Variants in IGF1R observed in about 807,000 individuals in gnomAD.
The protein encoded by IGF1R is insulin-like growth factor 1 receptor.
Under a neutral mutation model 144.6 loss-of-function variants are expected in IGF1R, and 44 were observed. The ratio of observed to expected loss-of-function variants is 0.30; its 90% confidence interval spans 0.24 to 0.39. The LOEUF (loss-of-function observed/expected upper bound fraction) is 0.39, where lower values mean the gene tolerates loss of function less well. Ranked by LOEUF, IGF1R falls within the 10% of genes least tolerant of loss-of-function variation. IGF1R has a pLI of 1.00. For synonymous variants in IGF1R, 795 were observed against 722.8 expected, an observed-to-expected ratio of 1.10 and a Z score of -1.60; for missense variants, 1,355 against 1,833.7, an observed-to-expected ratio of 0.74 and a Z score of 4.77.
chr15:98,868,883 T>C (rs946444571), intron 2 of IGF1R, among the ~76,000 whole-genome samples: 1 of 152,194 alleles, frequency 6.6e-6, no homozygotes, highest in Non-Finnish European at 1.5e-5. Flanking sequence ...CTCTGACTCA[T>C]CTCACACCCT....
At position 98,964,074 on chromosome 15, in the gene IGF1R, G is replaced by T. The variant is rs2017331028; in HGVS notation, c.*6632G>T. 4.3e-6 allele frequency: 1 copy of T among 233,186 alleles called. No individual in the cohort carries two copies. Among genetic ancestry groups the T allele is most frequent in the African/African-American group, 2.2e-5 (1 of 45,334 alleles). 14.4% of individuals were successfully genotyped at this position (233,186 alleles called of 1,614,324 possible). A position where few individuals can be genotyped will look rare whatever the true frequency, so the allele number is the denominator to read the frequency against. ...CCTGTCTGCTTTCTAAGCCAGTGAGGTTGAGGTGAGAGGTTTGCCAGAGTT... is the reference window on the plus strand; with the variant it reads ...CCTGTCTGCTTTCTAAGCCAGTGAGTTTGAGGTGAGAGGTTTGCCAGAGTT... On this transcript the variant is annotated 3_prime_UTR_variant, in exon 21 of 21. Transcript: ENST00000650285.
intron 13 of IGF1R, among the ~76,000 whole-genome samples, chr15:98,927,140 A>G (rs1002159635): frequency 6.6e-6 from 1 of 152,186 alleles, no homozygotes; most frequent in Non-Finnish European, 1.5e-5. Flanking sequence ...TGCCAGTGGG[A>G]AATCGGGAGT....
intron 2 of IGF1R, among the ~76,000 whole-genome samples, chr15:98,809,218 A>G (rs145740689): frequency 6.7e-4 from 102 of 152,304 alleles, no homozygotes; most frequent in African/African-American, 2.4e-3. Context: ...GAGGTAGCCT[A>G]TGGGTGGCAC....
chr15:98,706,087 G>C (rs1293609122), intron 1 of IGF1R, among the ~76,000 whole-genome samples: 6 of 152,224 alleles, frequency 3.9e-5, no homozygotes, highest in African/African-American at 1.4e-4. Context: ...TGTCTGTCCT[G>C]CTTAATTCCA....
intron 2 of IGF1R, among the ~76,000 whole-genome samples, chr15:98,791,254 T>C (rs186543461): frequency 1.2e-4 from 19 of 152,368 alleles, no homozygotes; most frequent in East Asian, 1.2e-3. Flanking sequence ...GCATCATCTT[T>C]CAAATGCAAC....
chr15:98,843,400 T>C (rs934573309), intron 2 of IGF1R, among the ~76,000 whole-genome samples: 1 of 152,194 alleles, frequency 6.6e-6, no homozygotes, highest in Non-Finnish European at 1.5e-5. Context: ...GCCTCAGAGA[T>C]GATACCAATA....
chr15:98,936,948 T>C (rs534057756), intron 17 of IGF1R, among the ~76,000 whole-genome samples: 94 of 152,334 alleles, frequency 6.2e-4, no homozygotes, highest in African/African-American at 2.2e-3. Context: ...TGCAGTGGCA[T>C]GATCTCAGCT....
chr15:98,918,838 C>T (rs1183909609), intron 10 of IGF1R, among the ~76,000 whole-genome samples: 4 of 151,998 alleles, frequency 2.6e-5, no homozygotes, highest in East Asian at 1.9e-4. Flanking sequence ...GAGATCGCAC[C>T]GTTGCACTCC....
chr15:98,797,548 G>T (rs2056273279), intron 2 of IGF1R, among the ~76,000 whole-genome samples: 1 of 152,226 alleles, frequency 6.6e-6, no homozygotes, highest in African/African-American at 2.4e-5. Context: ...GGGGTTGGGG[G>T]AGCGGGGTGG....
intron 2 of IGF1R, among the ~76,000 whole-genome samples, chr15:98,801,727 G>T (rs2056368090): frequency 6.6e-6 from 1 of 152,222 alleles, no homozygotes; most frequent in African/African-American, 2.4e-5. Flanking sequence ...AGGTTGCTCT[G>T]CCACAGAGGT....
At chr15:98,851,671 G>A (rs1451327653) in intron 2 of IGF1R, among the ~76,000 whole-genome samples, 2 of 152,222 alleles carry the variant, frequency 1.3e-5, no homozygotes, top group Non-Finnish European at 2.9e-5. Context: ...TCCCCTGGCT[G>A]GGGGTCCTGT....
intron 1 of IGF1R, among the ~76,000 whole-genome samples, chr15:98,674,635 A>G (rs760071228): frequency 6.6e-6 from 1 of 152,206 alleles, no homozygotes; most frequent in African/African-American, 2.4e-5. Flanking sequence ...CAGACACTAC[A>G]AGTATTATGT....
intron 1 of IGF1R, among the ~76,000 whole-genome samples, chr15:98,664,775 C>A (rs530783325): frequency 2.6e-5 from 4 of 151,428 alleles, no homozygotes; most frequent in Non-Finnish European, 4.4e-5. Flanking sequence ...TTCTTAGAAC[C>A]TAGGGTTTAT....
In IGF1R at chr15:98,665,346, G is replaced by C. The variant is rs140940000; in HGVS notation, c.94+15671G>C. Among the ~76,000 whole-genome samples the C allele has an allele frequency of 1.5e-3, 233 of 152,292 alleles. 1 individual carries two copies. The highest frequency in any genetic ancestry group is 5.3e-3 in the African/African-American group (221 of 41,560). On this transcript the variant is annotated intron_variant, in intron 1 of 20. Transcript: ENST00000650285. ...CCTTTTCTGTCCCTGTCTCCCTCCT[G>C]ACTCTGCATCTGCCTCCGTTTGAAG...
intron 2 of IGF1R, among the ~76,000 whole-genome samples, chr15:98,754,660 T>C (rs1015030989): frequency 2.6e-5 from 4 of 152,248 alleles, no homozygotes; most frequent in African/African-American, 9.6e-5. Flanking sequence ...AGGGAAGTTT[T>C]GGTTCCTTCT....
intron 1 of IGF1R, among the ~76,000 whole-genome samples, chr15:98,689,690 C>T (rs57028832): frequency 6.6e-6 from 1 of 152,188 alleles, no homozygotes; most frequent in Non-Finnish European, 1.5e-5. Context: ...AGGTTCTTGC[C>T]ACACTTTGCT....
At chr15:98,836,074 C>T (rs1330603949) in intron 2 of IGF1R, among the ~76,000 whole-genome samples, 1 of 152,060 alleles carries the variant, frequency 6.6e-6, no homozygotes, top group Admixed American at 6.5e-5. Flanking sequence ...TCAGTGGTAG[C>T]GACAATTATG....
chr15:98,928,278 T>G (rs2684802), intron 13 of IGF1R, among the ~76,000 whole-genome samples: 15,881 of 152,202 alleles, frequency 0.1, 936 homozygotes, highest in Non-Finnish European at 0.13. Flanking sequence ...CTGCCTGGTG[T>G]AAAGACAAGG....
chr15:98,943,866 A>G (rs1568502), intron 19 of IGF1R, among the ~76,000 whole-genome samples: 28,908 of 152,212 alleles, frequency 0.19, 3,171 homozygotes, highest in South Asian at 0.36. Context: ...AACTATTTCA[A>G]TAGTGACTGA....
Sources: gnomAD v4.1 joint callset for allele counts (sites outside exome capture counted in the v4.1 genomes callset) on GRCh38, gnomAD v4.1.1 for gene constraint, MANE v1.5 for transcripts, NCBI Gene and HGNC (gene_info 2026-07-23, HGNC 2026-07-21) for gene names.